Variants in SCAP observed in about 807,000 individuals in gnomAD.
SCAP encodes sterol regulatory element-binding protein cleavage-activating protein.
Under a neutral mutation model 123.6 loss-of-function variants are expected in SCAP, and 65 were observed. The observed-to-expected ratio is 0.53, with a 90% CI of 0.43 to 0.65. The LOEUF (loss-of-function observed/expected upper bound fraction) is 0.65. Among genes scored for constraint, SCAP ranks in the 30% least tolerant of loss-of-function variants. The probability of loss-of-function intolerance (pLI) is 0.00; values close to 1 mark genes in which losing one functional copy is unlikely to be tolerated. For synonymous variants in SCAP, 740 were observed against 726.3 expected (o/e 1.02, Z -0.30); for missense variants, 1,398 against 1,712.5 (o/e 0.82, Z 3.24).
At chr3:47,461,000 G>A (rs773046872) in intron 1 of SCAP, among the ~76,000 whole-genome samples, 8 of 152,136 alleles carry the variant, frequency 5.3e-5, no homozygotes, top group Admixed American at 1.3e-4. Flanking sequence ...GGGTCCAGGA[G>A]CCCCTAGAGC....
In SCAP at chr3:47,436,319, C is replaced by T. The variant is rs1453985119; in HGVS notation, c.123-1182G>A. ...TGGACCCGATATACGCAAGGAAAAG[C>T]CCTGACCTTTCATCAAAAAGTTGGC... On this transcript the variant is annotated intron_variant, in intron 2 of 22. Coordinates refer to ENST00000265565, the MANE Select transcript of SCAP (RefSeq NM_012235.4). Among the ~76,000 whole-genome samples, 4 of 152,076 alleles carry T rather than the reference C, an allele frequency of 2.6e-5. No individual in the cohort carries two copies. The East Asian group carries it at 7.7e-4, about 29-fold the overall frequency.
intron 2 of SCAP, among the ~76,000 whole-genome samples, chr3:47,442,365 C>G (rs548032552): frequency 2.0e-5 from 3 of 152,288 alleles, no homozygotes; most frequent in East Asian, 1.9e-4. Flanking sequence ...GCAAGTGCAG[C>G]TGGCCACAAG....
chr3:47,461,026 AG>A (rs1274530291), intron 1 of SCAP, among the ~76,000 whole-genome samples: 1 of 152,100 alleles, frequency 6.6e-6, no homozygotes, highest in Non-Finnish European at 1.5e-5. Flanking sequence ...CCAGCACACC[AG>A]ACTTCACCGG....
intron 1 of SCAP, among the ~76,000 whole-genome samples, chr3:47,475,247 A>T (rs1708221453): frequency 6.6e-6 from 1 of 152,092 alleles, no homozygotes; most frequent in Non-Finnish European, 1.5e-5. Context: ...CGCTATCGTG[A>T]CATTATAAGC....
intron 1 of SCAP, among the ~76,000 whole-genome samples, chr3:47,473,690 G>A (rs549381687): frequency 6.6e-6 from 1 of 152,300 alleles, no homozygotes; most frequent in African/African-American, 2.4e-5. Context: ...TCACATGCAT[G>A]GCTAGATTCT....
rs781476668 is a variant in SCAP, at chr3:47,415,013, T to G, written c.3140-20A>C. ...GGGTCCCTGAGGACAAAAGGCCAAG[T>G]GAAGAATCTCTGAGAAAGCAATGGG... On this transcript the variant is annotated intron_variant, in intron 19 of 22. Transcript: ENST00000265565. 7 of 1,580,238 alleles carry G rather than the reference T, an allele frequency of 4.4e-6. No homozygotes were observed. Among genetic ancestry groups the G allele is most frequent in the Non-Finnish European group, 6.0e-6 (7 of 1,163,924 alleles).
intron 18 of SCAP, among the ~76,000 whole-genome samples, chr3:47,416,615 CTTTTTTTTTTTTTTT>C (rs3077503): frequency 7.1e-5 from 5 of 70,186 alleles, no homozygotes; most frequent in Non-Finnish European, 1.0e-4. Flanking sequence ...ACCCCTAACG[CTTTTTTTTTTTTTTT>C]TTTTTTTTTT....
At chr3:47,435,815 C>T (rs1706557634) in intron 2 of SCAP, among the ~76,000 whole-genome samples, 1 of 152,104 alleles carries the variant, frequency 6.6e-6, no homozygotes, top group African/African-American at 2.4e-5. Context: ...TTGGGAGGCC[C>T]AGGCTGGAGG....
intron 4 of SCAP, among the ~76,000 whole-genome samples, chr3:47,427,908 G>C (rs537037593): frequency 3.3e-5 from 5 of 152,166 alleles, no homozygotes; most frequent in Non-Finnish European, 7.3e-5. Context: ...TCTGAGGACG[G>C]GCAAGTGTAC....
At chr3:47,436,379 C>T (rs1451755905) in intron 2 of SCAP, among the ~76,000 whole-genome samples, 4 of 152,164 alleles carry the variant, frequency 2.6e-5, no homozygotes, top group Non-Finnish European at 5.9e-5. Flanking sequence ...AGCCTGTAAT[C>T]CCAACACTTT....
At chr3:47,441,191 C>T (rs1374317299) in intron 2 of SCAP, among the ~76,000 whole-genome samples, 3 of 152,080 alleles carry the variant, frequency 2.0e-5, no homozygotes, top group Admixed American at 2.0e-4. Flanking sequence ...TGAGCCACCA[C>T]GCCCGGCCAG....
chr3:47,413,700 CAG>C lies in SCAP; in HGVS notation c.*152_*153del, dbSNP rs1705412288. 9.5e-7 allele frequency: 1 copy of C among 1,054,582 alleles called. No homozygotes were observed. The highest frequency in any genetic ancestry group is 2.3e-5 in the Admixed American group (1 of 43,390). The allele number at this position is 1,054,582 out of a possible 1,614,324, so 65.3% of individuals were successfully genotyped here. A position where few individuals can be genotyped will look rare whatever the true frequency, so the allele number is the denominator to read the frequency against. On this transcript the variant is annotated 3_prime_UTR_variant, in exon 23 of 23. Coordinates refer to ENST00000265565, the MANE Select transcript of SCAP (RefSeq NM_012235.4). The stretch of plus-strand genomic sequence containing the variant: ...CACAAGTAGCTCCCAAAGTGCCTGA[CAG>C]ATGATGATATGGTTTTTTAAAAAAG...
At chr3:47,445,681 C>T (rs1326130022) in intron 1 of SCAP, among the ~76,000 whole-genome samples, 6 of 152,046 alleles carry the variant, frequency 3.9e-5, no homozygotes, top group African/African-American at 7.2e-5. Flanking sequence ...TCAAACAATT[C>T]GTGCCTCAGC....
At chr3:47,445,635 G>A (rs919339747) in intron 1 of SCAP, among the ~76,000 whole-genome samples, 2 of 151,826 alleles carry the variant, frequency 1.3e-5, no homozygotes, top group African/African-American at 2.4e-5. Context: ...GCAGCAGCGC[G>A]ATCTCAGCTC....
At chr3:47,423,806 T>C (rs1271930407) in intron 9 of SCAP, 127 bp downstream of exon 9, 1 of 701,436 alleles carries the variant, frequency 1.4e-6, no homozygotes, top group African/African-American at 1.8e-5. Flanking sequence ...CACTGCATAT[T>C]ATGCCGGAGG....
chr3:47,471,545 T>A (rs1000473933), intron 1 of SCAP, among the ~76,000 whole-genome samples: 1 of 152,106 alleles, frequency 6.6e-6, no homozygotes, highest in Non-Finnish European at 1.5e-5. Flanking sequence ...AACTTTTGTA[T>A]TTATAGTGGA....
intron 10 of SCAP, among the ~76,000 whole-genome samples, chr3:47,422,113 C>T (rs368573167): frequency 1.3e-5 from 2 of 152,406 alleles, no homozygotes; most frequent in East Asian, 3.9e-4. Flanking sequence ...AGCCAGTCCC[C>T]AGCTCCTGCC....
At position 47,419,367 on chromosome 3, in the gene SCAP, G is replaced by A. The variant is rs1705789314; in HGVS notation, c.1901C>T (p.Pro634Leu). 5 of 1,613,452 alleles carry A rather than the reference G, an allele frequency of 3.1e-6. No homozygotes were observed. Among genetic ancestry groups the A allele is most frequent in the Non-Finnish European group, 3.4e-6 (4 of 1,179,944 alleles). ...LWRKLSFRHWPTLFSYYNITL... is the reference protein window; with the variant it reads ...LWRKLSFRHWLTLFSYYNITL... Reference sequence around the variant, plus strand: ...GATGTTGTAATAGCTGAAGAGCGTCGGCCAGTGGCGGAAGGACAATTTCCT... The same window carrying A: ...GATGTTGTAATAGCTGAAGAGCGTCAGCCAGTGGCGGAAGGACAATTTCCT... Residue 634 changes from proline to leucine, a missense_variant, in exon 13 of 23, where the codon CCG (proline) becomes CTG (leucine). Transcript: ENST00000265565. This position sits in a 1 kb window ranked among gnomAD's most constrained non-coding sequence, Gnocchi z 5.0.
At position 47,417,313 on chromosome 3, in the gene SCAP, G is replaced by T; in HGVS notation, c.2961C>A (p.Gly987=). The change falls in exon 17 of 23, where the codon GGC becomes GGA. Residue 987 remains glycine, a synonymous_variant. Coordinates refer to ENST00000265565, the MANE Select transcript of SCAP (RefSeq NM_012235.4). The part of the protein sequence containing the change: ...GNLIVVGRSS[G]RLEVWDAIEG... ...TAGCCCCTCTGCCCACCTCCAGCCG[G>T]CCGCTGCTCCGCCCCACCACGATGA... 1 of 1,612,050 alleles carries T rather than the reference G, an allele frequency of 6.2e-7. No individual in the cohort carries two copies. Among genetic ancestry groups the T allele is most frequent in the Non-Finnish European group, 8.5e-7 (1 of 1,179,692 alleles).
Sources: gnomAD v4.1 joint callset for allele counts (sites outside exome capture counted in the v4.1 genomes callset) on GRCh38, gnomAD v4.1.1 for gene constraint, Gnocchi (gnomAD v3.1) non-coding constraint, MANE v1.5 for transcripts, NCBI Gene and HGNC (gene_info 2026-07-23, HGNC 2026-07-21) for gene names.